The following THSD4 variants were observed in gnomAD, a reference collection of about 807,000 sequenced individuals.
The protein encoded by THSD4 is thrombospondin type 1 domain containing 4.
In THSD4, 69 loss-of-function variants were observed where a neutral mutation model predicts 119.0. That is an observed-to-expected ratio of 0.58 (90% confidence interval 0.48 to 0.71). THSD4 has a LOEUF of 0.71. Among genes scored for constraint, THSD4 ranks in the 30% least tolerant of loss-of-function variants. The pLI, the probability that THSD4 is intolerant of heterozygous loss-of-function variation, is 0.00. For synonymous variants in THSD4, 524 were observed against 540.4 expected (o/e 0.97, Z 0.42); for missense variants, 1,393 against 1,391.1 (o/e 1.00, Z -0.02).
intron 8 of THSD4, among the ~76,000 whole-genome samples, chr15:71,708,505 A>C (rs2052438399): frequency 6.6e-6 from 1 of 152,188 alleles, no homozygotes; most frequent in African/African-American, 2.4e-5. Flanking sequence ...AGCCAGAAAA[A>C]CAAACTATAT....
At chr15:71,775,746 A>C (rs1346028920) in intron 17 of THSD4, among the ~76,000 whole-genome samples, 1 of 152,134 alleles carries the variant, frequency 6.6e-6, no homozygotes, top group Non-Finnish European at 1.5e-5. Context: ...AATAAATAGA[A>C]GTTTATATGG....
chr15:71,272,858 T>C (rs1490361038), intron 6 of THSD4, among the ~76,000 whole-genome samples: 3 of 151,934 alleles, frequency 2.0e-5, no homozygotes, highest in Non-Finnish European at 4.4e-5. Flanking sequence ...AATGAGACTC[T>C]GTCTCAAAAA....
At chr15:71,628,977 A>T (rs2050562461) in intron 7 of THSD4, among the ~76,000 whole-genome samples, 1 of 152,216 alleles carries the variant, frequency 6.6e-6, no homozygotes, top group African/African-American at 2.4e-5. Context: ...GACACTTGCG[A>T]TGCGAAGATA....
intron 7 of THSD4, among the ~76,000 whole-genome samples, chr15:71,431,876 AT>A (rs1473980203): frequency 6.6e-6 from 1 of 152,174 alleles, no homozygotes; most frequent in Non-Finnish European, 1.5e-5. Context: ...TAAAATCGGG[AT>A]TTGTAGTGAG....
intron 6 of THSD4, among the ~76,000 whole-genome samples, chr15:71,380,738 C>G (rs2046217846): frequency 6.6e-6 from 1 of 150,672 alleles, no homozygotes; most frequent in South Asian, 2.1e-4. Context: ...TGGTAGTGAG[C>G]CTGGCAACAC....
intron 2 of THSD4, among the ~76,000 whole-genome samples, chr15:71,147,015 T>C (rs905407726): frequency 2.6e-5 from 4 of 152,224 alleles, no homozygotes; most frequent in Admixed American, 2.6e-4. Flanking sequence ...TGTATTTTTA[T>C]GCCTTGGGTT....
At chr15:71,254,818 G>T (rs1456033793) in intron 5 of THSD4, among the ~76,000 whole-genome samples, 1 of 152,180 alleles carries the variant, frequency 6.6e-6, no homozygotes, top group African/African-American at 2.4e-5. Flanking sequence ...AGGCTTCTGT[G>T]GCCTGTCCGC....
rs531257797 is a variant in THSD4 at position 71,441,342 on chromosome 15, C to T, written c.1152+29519C>T. On this transcript the variant is annotated intron_variant, in intron 7 of 17. Coordinates refer to ENST00000261862, the MANE Select transcript of THSD4 (RefSeq NM_024817.3). ...ATTGGGATCAGTGGGCAACAGGGTTCGGGAGAGAGGGATGGAAGAAAGCCT... is the reference window on the plus strand; with the variant it reads ...ATTGGGATCAGTGGGCAACAGGGTTTGGGAGAGAGGGATGGAAGAAAGCCT... 4.4e-4 allele frequency among the ~76,000 whole-genome samples: 66 copies of T among 150,738 alleles called. 1 individual carries two copies. Among genetic ancestry groups the T allele is most frequent in the African/African-American group, 1.4e-3 (59 of 40,892 alleles).
intron 7 of THSD4, among the ~76,000 whole-genome samples, chr15:71,484,130 C>T (rs1418859143): frequency 1.3e-5 from 2 of 152,170 alleles, no homozygotes; most frequent in South Asian, 4.2e-4. Context: ...GGATTTGAAA[C>T]TCAGATGGAG....
chr15:71,498,788 T>A (rs1165131049), intron 7 of THSD4, among the ~76,000 whole-genome samples: 1 of 151,816 alleles, frequency 6.6e-6, no homozygotes, highest in Non-Finnish European at 1.5e-5. Context: ...CTCACCCTCC[T>A]GGGCTCAAAC....
chr15:71,538,493 A>G (rs1389690056), intron 7 of THSD4, among the ~76,000 whole-genome samples: 1 of 152,228 alleles, frequency 6.6e-6, no homozygotes, highest in African/African-American at 2.4e-5. Context: ...ATGTTTTAGT[A>G]TCTGACAGTT....
chr15:71,518,999 A>AT (rs2048400264), intron 7 of THSD4, among the ~76,000 whole-genome samples: 1 of 152,234 alleles, frequency 6.6e-6, no homozygotes, highest in Admixed American at 6.5e-5. Flanking sequence ...TGGCATGATA[A>AT]TTTCAGATGT....
chr15:71,384,659 A>G (rs1413981656), intron 6 of THSD4, among the ~76,000 whole-genome samples: 1 of 152,226 alleles, frequency 6.6e-6, no homozygotes, highest in East Asian at 1.9e-4. Flanking sequence ...GCATCTGCAC[A>G]TCAATAGGCT....
intron 7 of THSD4, among the ~76,000 whole-genome samples, chr15:71,630,742 A>C (rs554083120): frequency 1.3e-5 from 2 of 152,148 alleles, no homozygotes; most frequent in African/African-American, 2.4e-5. Context: ...TCAGAGACAC[A>C]TGGGTGTTTG....
chr15:71,664,940 T>C (rs1251459794), intron 8 of THSD4, among the ~76,000 whole-genome samples: 1 of 152,228 alleles, frequency 6.6e-6, no homozygotes, highest in Non-Finnish European at 1.5e-5. Context: ...TAATGAATAG[T>C]GCTGCAGTGA....
intron 4 of THSD4, among the ~76,000 whole-genome samples, chr15:71,227,406 G>A (rs2044026604): frequency 6.6e-6 from 1 of 152,178 alleles, no homozygotes; most frequent in Non-Finnish European, 1.5e-5. Context: ...ATCCGCTAGG[G>A]CTTTTCCTCC....
chr15:71,513,681 G>T (rs997279861), intron 7 of THSD4, among the ~76,000 whole-genome samples: 3 of 152,036 alleles, frequency 2.0e-5, no homozygotes, highest in African/African-American at 7.2e-5. Flanking sequence ...GAAATTGCTG[G>T]GTATTTACTC....
intron 3 of THSD4, among the ~76,000 whole-genome samples, chr15:71,185,060 T>C (rs924895096): frequency 4.0e-5 from 6 of 151,774 alleles, no homozygotes; most frequent in Admixed American, 1.3e-4. Flanking sequence ...ACCTTTGAGC[T>C]AAGCCCATTG....
chr15:71,347,249 A>G (rs1220365848), intron 6 of THSD4, among the ~76,000 whole-genome samples: 2 of 148,926 alleles, frequency 1.3e-5, no homozygotes, highest in South Asian at 2.1e-4. Flanking sequence ...ATTATCTTTT[A>G]TATTTTTACT....
Sources: allele counts gnomAD v4.1 joint callset (sites outside exome capture counted in the v4.1 genomes callset), GRCh38; gene constraint gnomAD v4.1.1; transcripts MANE v1.5; gene names NCBI Gene and HGNC (gene_info 2026-07-23, HGNC 2026-07-21).